CSMD1: variants seen among roughly 807,000 people sequenced by gnomAD.
CSMD1 encodes CUB and sushi domain-containing protein 1.
Under a neutral mutation model 417.5 loss-of-function variants are expected in CSMD1, and 213 were observed. The observed-to-expected ratio is 0.51, with a 90% CI of 0.46 to 0.57. The LOEUF is 0.57. Among genes scored for constraint, CSMD1 ranks in the 20% least tolerant of loss-of-function variants. The probability of loss-of-function intolerance (pLI) is 0.00; values close to 1 mark genes in which losing one functional copy is unlikely to be tolerated. For missense variants in CSMD1, 6,923 were observed against 4,529.7 expected (o/e 1.53, Z -15.17); for synonymous variants, 2,862 against 1,736.8 (o/e 1.65, Z -16.11).
At chr8:4,658,474 C>A (rs1804379429) in intron 1 of CSMD1, among the ~76,000 whole-genome samples, 1 of 151,954 alleles carries the variant, frequency 6.6e-6, no homozygotes, top group South Asian at 2.1e-4. Context: ...CGCAAAAAAG[C>A]AAAAACAAAA....
At position 3,399,470 on chromosome 8, in the gene CSMD1, C is replaced by T. The variant is rs1184130564; in HGVS notation, c.2326G>A (p.Gly776Arg). 1.9e-6 allele frequency: 3 copies of T among 1,609,894 alleles called. No individual in the cohort carries two copies. Among genetic ancestry groups the T allele is most frequent in the Non-Finnish European group, 2.5e-6 (3 of 1,178,056 alleles). Reference protein sequence around the residue: ...SGVILPPGWPGYYKDSLHCEW... With the variant: ...SGVILPPGWPRYYKDSLHCEW... ...CAATGTAAAGAATCCTTATAATATC[C>T]TGGCCATCCAGGAGGCAAAATGACT... The change falls in exon 16 of 70, where the codon GGA (glycine) becomes AGA (arginine). Residue 776 changes from glycine (G) to arginine (R), a missense_variant. Coordinates refer to ENST00000635120, the MANE Select transcript of CSMD1 (RefSeq NM_033225.6).
intron 1 of CSMD1, among the ~76,000 whole-genome samples, chr8:4,739,524 A>T (rs989756571): frequency 1.3e-5 from 2 of 152,308 alleles, no homozygotes; most frequent in South Asian, 4.1e-4. Context: ...TGACTCAATG[A>T]TAATAACTTA....
chr8:4,081,949 C>G (rs1800158614), intron 3 of CSMD1, among the ~76,000 whole-genome samples: 1 of 151,826 alleles, frequency 6.6e-6, no homozygotes, highest in African/African-American at 2.4e-5. Context: ...ACTCGAAAAA[C>G]CATATAAACT....
At chr8:4,697,400 T>C (rs1365585274) in intron 1 of CSMD1, among the ~76,000 whole-genome samples, 1 of 152,132 alleles carries the variant, frequency 6.6e-6, no homozygotes, top group African/African-American at 2.4e-5. Context: ...CTTTACATGC[T>C]AGCAAATTAG....
intron 7 of CSMD1, among the ~76,000 whole-genome samples, chr8:3,665,426 G>C (rs928839193): frequency 6.6e-6 from 1 of 152,116 alleles, no homozygotes; most frequent in Non-Finnish European, 1.5e-5. Flanking sequence ...CTACTCCGGA[G>C]GCTGAGGCAC....
intron 10 of CSMD1, among the ~76,000 whole-genome samples, chr8:3,522,776 G>A (rs953956596): frequency 3.4e-4 from 52 of 151,656 alleles, no homozygotes; most frequent in African/African-American, 1.3e-3. Flanking sequence ...AATGCCCAGG[G>A]AACCCAACAC....
intron 2 of CSMD1, among the ~76,000 whole-genome samples, chr8:4,535,109 T>C (rs564888228): frequency 2.6e-5 from 4 of 152,308 alleles, no homozygotes; most frequent in Non-Finnish European, 2.9e-5. Flanking sequence ...GGGTAGAAGA[T>C]ACAATATTAA....
At chr8:4,650,004 G>C (rs964738742) in intron 1 of CSMD1, among the ~76,000 whole-genome samples, 1 of 152,128 alleles carries the variant, frequency 6.6e-6, no homozygotes, top group Non-Finnish European at 1.5e-5. Flanking sequence ...TCGAGAACTT[G>C]ATTGATATTA....
At chr8:4,748,607 G>C (rs777540713) in intron 1 of CSMD1, among the ~76,000 whole-genome samples, 16 of 152,298 alleles carry the variant, frequency 1.1e-4, no homozygotes, top group African/African-American at 3.6e-4. Context: ...AGAAATCATA[G>C]TGTTTTCATT....
intron 49 of CSMD1, among the ~76,000 whole-genome samples, chr8:3,053,047 G>A (rs975757424): frequency 9.8e-5 from 15 of 152,290 alleles, no homozygotes; most frequent in African/African-American, 2.9e-4. Context: ...CTCCCAAAGT[G>A]CTGGGATTAC....
chr8:4,445,968 G>A (rs866942883), intron 2 of CSMD1, among the ~76,000 whole-genome samples: 1 of 152,116 alleles, frequency 6.6e-6, no homozygotes, highest in African/African-American at 2.4e-5. Flanking sequence ...GTAGACGAAA[G>A]GATAGCAACA....
intron 49 of CSMD1, among the ~76,000 whole-genome samples, chr8:3,055,143 G>A (rs1182579720): frequency 6.6e-6 from 1 of 152,126 alleles, no homozygotes; most frequent in Non-Finnish European, 1.5e-5. Flanking sequence ...GGACGAAATG[G>A]GAAAGATGAC....
rs74834795 is a variant in CSMD1 at position 4,044,596 on chromosome 8, G to A, written c.416-12497C>T. Among the ~76,000 whole-genome samples, 1,073 of 152,248 alleles carry A rather than the reference G, an allele frequency of 7.0e-3. 14 individuals carry two copies. The highest frequency in any genetic ancestry group is 0.024 in the African/African-American group (1,002 of 41,536). On this transcript the variant is annotated intron_variant, in intron 3 of 69. Coordinates refer to ENST00000635120, the MANE Select transcript of CSMD1 (RefSeq NM_033225.6). ...GTCACCGGAAGGATAATTAAATCCGGGTCTCATTTTCTTCTCTCGTGCAAT... is the reference window on the plus strand; with the variant it reads ...GTCACCGGAAGGATAATTAAATCCGAGTCTCATTTTCTTCTCTCGTGCAAT...
At chr8:3,410,985 AAGG>A (rs1173363616) in intron 12 of CSMD1, among the ~76,000 whole-genome samples, 1 of 152,154 alleles carries the variant, frequency 6.6e-6, no homozygotes, top group Non-Finnish European at 1.5e-5. Context: ...GCCCTTCGAA[AAGG>A]AGATGTGATC....
At chr8:3,840,078 C>G (rs564422878) in intron 5 of CSMD1, among the ~76,000 whole-genome samples, 3 of 152,086 alleles carry the variant, frequency 2.0e-5, no homozygotes, top group Non-Finnish European at 4.4e-5. Context: ...ATAGCTCTGC[C>G]TATACTTTCA....
intron 6 of CSMD1, among the ~76,000 whole-genome samples, chr8:3,721,562 A>C (rs1326343430): frequency 6.6e-6 from 1 of 152,150 alleles, no homozygotes; most frequent in African/African-American, 2.4e-5. Flanking sequence ...TAAATTATTA[A>C]ATTCCAGTGG....
At chr8:2,983,841 T>C (rs1805630233) in intron 54 of CSMD1, among the ~76,000 whole-genome samples, 1 of 152,220 alleles carries the variant, frequency 6.6e-6, no homozygotes, top group African/African-American at 2.4e-5. Context: ...AAATAAAGCT[T>C]AGTTTTTAAA....
intron 1 of CSMD1, among the ~76,000 whole-genome samples, chr8:4,792,821 T>G (rs1797762255): frequency 6.6e-6 from 1 of 152,138 alleles, no homozygotes. Flanking sequence ...AGTGACCAAG[T>G]GTTTCCAAAG....
At chr8:4,874,497 C>G (rs1484908380) in intron 1 of CSMD1, among the ~76,000 whole-genome samples, 4 of 149,096 alleles carry the variant, frequency 2.7e-5, no homozygotes, top group Non-Finnish European at 5.9e-5. Context: ...TCAAGCAGTT[C>G]TCCTGCCTCA....
Sources: allele counts gnomAD v4.1 joint callset (sites outside exome capture counted in the v4.1 genomes callset), GRCh38; gene constraint gnomAD v4.1.1; transcripts MANE v1.5; gene names NCBI Gene and HGNC (gene_info 2026-07-23, HGNC 2026-07-21).